NF1: variants seen among roughly 807,000 people sequenced by gnomAD.
The protein encoded by NF1 is neurofibromin 1, also known as neurofibromin.
Under a neutral mutation model 325.7 loss-of-function variants are expected in NF1, and 122 were observed. That is an observed-to-expected ratio of 0.37 (90% confidence interval 0.32 to 0.44). The LOEUF (loss-of-function observed/expected upper bound fraction) is 0.44, where lower values mean the gene tolerates loss of function less well. Among genes scored for constraint, NF1 ranks in the 20% least tolerant of loss-of-function variants. The pLI is 1.00. For synonymous variants in NF1, 1,091 were observed against 1,186.0 expected (o/e 0.92, Z 1.65); for missense variants, 2,140 against 3,415.4 (o/e 0.63, Z 9.31).
intron 1 of NF1, among the ~76,000 whole-genome samples, chr17:31,143,561 C>A (rs1170026947): frequency 6.6e-6 from 1 of 151,950 alleles, no homozygotes. Context: ...CATGAGCCAC[C>A]ACACCTGGCA....
At chr17:31,145,438 C>T (rs1188992226) in intron 1 of NF1, among the ~76,000 whole-genome samples, 5 of 152,082 alleles carry the variant, frequency 3.3e-5, no homozygotes, top group Admixed American at 2.6e-4. Flanking sequence ...GTGATCCGCC[C>T]GCCTCAGCCT....
intron 36 of NF1, chr17:31,318,734 G>A (rs2069095648): frequency 6.2e-7 from 1 of 1,613,988 alleles, no homozygotes; most frequent in Non-Finnish European, 8.5e-7. Flanking sequence ...GGTATATAAA[G>A]CTCCTGTTCA....
chr17:31,229,743 C>A, intron 21 of NF1, 92 bp from the exon 22 acceptor site: 1 of 1,506,418 alleles, frequency 6.6e-7, no homozygotes, highest in Non-Finnish European at 9.2e-7. Flanking sequence ...TGCACTTACT[C>A]TGTGTGTTTA....
intron 14 of NF1, among the ~76,000 whole-genome samples, chr17:31,221,590 G>A (rs576258315): frequency 2.6e-5 from 4 of 151,898 alleles, no homozygotes; most frequent in South Asian, 2.1e-4. Flanking sequence ...ATATTGTTCC[G>A]AATTCATCAT....
chr17:31,366,974 CTTAAT>C (rs2070535715), intron 57 of NF1, among the ~76,000 whole-genome samples: 1 of 151,638 alleles, frequency 6.6e-6, no homozygotes, highest in African/African-American at 2.4e-5. Flanking sequence ...TAGCTTAATT[CTTAAT>C]TTAAACTAAA....
At chr17:31,321,306 G>T (rs549596390) in intron 36 of NF1, among the ~76,000 whole-genome samples, 2 of 152,166 alleles carry the variant, frequency 1.3e-5, no homozygotes, top group African/African-American at 4.8e-5. Context: ...ACTCCATGGC[G>T]ATGGCAAATT....
chr17:31,192,363 C>T (rs537210558), intron 8 of NF1, among the ~76,000 whole-genome samples: 3 of 152,252 alleles, frequency 2.0e-5, no homozygotes, highest in South Asian at 4.1e-4. Context: ...TTAAGAAATA[C>T]ATTGGTTTGG....
At chr17:31,258,959 T>G in intron 32 of NF1, 73 bp from the exon 33 acceptor site, 1 of 986,668 alleles carries the variant, frequency 1.0e-6, no homozygotes, top group Admixed American at 2.3e-5. Context: ...TTCATGTTTT[T>G]AAAGAATGTC....
At chr17:31,198,045 G>T (rs906169103) in intron 8 of NF1, among the ~76,000 whole-genome samples, 1 of 152,194 alleles carries the variant, frequency 6.6e-6, no homozygotes, top group Non-Finnish European at 1.5e-5. Flanking sequence ...TCTCTGTATT[G>T]ATTCAGATGA....
intron 45 of NF1, 75 bp from the exon 46 acceptor site, chr17:31,338,629 C>A: frequency 1.1e-6 from 1 of 928,104 alleles, no homozygotes; most frequent in South Asian, 1.3e-5. Context: ...TTCCTGAATT[C>A]ATTCCGAGAT....
intron 30 of NF1, chr17:31,249,942 T>C (rs1292949581): frequency 4.1e-6 from 2 of 487,636 alleles, no homozygotes; most frequent in African/African-American, 3.9e-5. Context: ...TCTTTGTGTC[T>C]CTCTCTTTGC....
At position 31,338,815 on chromosome 17, in the gene NF1, G is replaced by A. The variant is rs767166725; in HGVS notation, c.6921+10G>A. On this transcript the variant is annotated intron_variant, in intron 46 of 57. Coordinates refer to ENST00000358273, the MANE Select transcript of NF1 (RefSeq NM_001042492.3). ...GCCACTTCTTAATAAGGTAATTACT[G>A]TATAGAAAATGAGTGCATTCATTTT... The A allele has an allele frequency of 2.1e-5, 32 of 1,558,696 alleles. 1 individual carries two copies. Among genetic ancestry groups the A allele is most frequent in the Non-Finnish European group, 2.5e-5 (28 of 1,129,994 alleles).
chr17:31,361,480 T>C (rs1309864848), intron 57 of NF1: 1 of 152,214 alleles, frequency 6.6e-6, no homozygotes, highest in African/African-American at 2.4e-5. Context: ...TGTGTGTTAT[T>C]ATGACAGTGA....
At chr17:31,153,627 GT>G (rs904096506) in intron 1 of NF1, among the ~76,000 whole-genome samples, 1 of 152,046 alleles carries the variant, frequency 6.6e-6, no homozygotes, top group Non-Finnish European at 1.5e-5. Context: ...TAGTATTTTT[GT>G]TTTTTGTTTT....
intron 36 of NF1, among the ~76,000 whole-genome samples, chr17:31,294,336 A>T (rs2068414927): frequency 6.6e-6 from 1 of 152,200 alleles, no homozygotes; most frequent in African/African-American, 2.4e-5. Context: ...TTTTCTTATT[A>T]AAATGCAAAG....
intron 12 of NF1, among the ~76,000 whole-genome samples, chr17:31,212,701 C>G (rs183079406): frequency 2.0e-5 from 3 of 152,270 alleles, no homozygotes; most frequent in Admixed American, 2.0e-4. Context: ...CAAAGTGAGA[C>G]TTGGTCTCAA....
intron 24 of NF1, 32 bp from the exon 25 acceptor site, chr17:31,232,040 TA>T: frequency 1.8e-6 from 2 of 1,087,698 alleles, no homozygotes; most frequent in Non-Finnish European, 2.6e-6. Context: ...TCATGGTCTC[TA>T]AATTTTTTTT....
Position 31,357,368 on chromosome 17 carries a change from G to T in NF1, c.7969G>T (p.Val2657Leu). The T allele has an allele frequency of 6.2e-7, 1 of 1,608,688 alleles. No homozygotes were observed. Among genetic ancestry groups the T allele is most frequent in the Non-Finnish European group, 8.5e-7 (1 of 1,175,138 alleles). ...SVVFPKVFPV[V>L]HNLLDSKINT... Reference sequence around the variant, plus strand: ...TGTGTTTCCCAAAGTCTTTCCTGTTGTGTAAGTATCTCCTTTTGATTTTAA... The same window carrying T: ...TGTGTTTCCCAAAGTCTTTCCTGTTTTGTAAGTATCTCCTTTTGATTTTAA... The change falls in exon 54 of 58, where the codon GTG (valine) becomes TTG (leucine). Residue 2657 changes from valine to leucine, a missense_variant and splice_region_variant. This residue lies in a region of NF1 where 522 missense variants were observed against 749.0 expected (regional missense o/e 0.70). Transcript: ENST00000358273.
intron 36 of NF1, among the ~76,000 whole-genome samples, chr17:31,291,944 A>T (rs958344197): frequency 6.6e-6 from 1 of 152,188 alleles, no homozygotes; most frequent in Non-Finnish European, 1.5e-5. Context: ...TTGGGTTTGG[A>T]CATACAGATG....
Sources: gnomAD v4.1 joint callset for allele counts (sites outside exome capture counted in the v4.1 genomes callset) on GRCh38, gnomAD v4.1.1 for gene constraint, gnomAD v4.1.1 regional missense constraint, MANE v1.5 for transcripts, NCBI Gene and HGNC (gene_info 2026-07-23, HGNC 2026-07-21) for gene names.